The following HEPHL1 variants were observed in gnomAD, a reference collection of about 807,000 sequenced individuals.
HEPHL1 encodes ferroxidase HEPHL1.
A neutral mutation model predicts 122.0 loss-of-function variants in HEPHL1; 123 were observed. The observed-to-expected ratio is 1.01, with a 90% CI of 0.87 to 1.17. The LOEUF (loss-of-function observed/expected upper bound fraction) is 1.17. HEPHL1 is among the 50% of genes most tolerant of loss of function. The pLI is 0.00. For missense variants in HEPHL1, 1,452 were observed against 1,430.5 expected (o/e 1.01, Z -0.24); for synonymous variants, 527 against 508.9 (o/e 1.04, Z -0.48).
At chr11:94,047,918 C>T (rs554502914) in intron 2 of HEPHL1, among the ~76,000 whole-genome samples, 11 of 152,232 alleles carry the variant, frequency 7.2e-5, no homozygotes, top group South Asian at 2.1e-4. Flanking sequence ...GTGTTCAATT[C>T]GGTGGCATTA....
chr11:94,059,862 A>G (rs1467849970), intron 2 of HEPHL1, among the ~76,000 whole-genome samples: 3 of 151,968 alleles, frequency 2.0e-5, no homozygotes, highest in Admixed American at 6.6e-5. Context: ...TGAACATAAG[A>G]ATTTCTAGAA....
chr11:94,049,645 T>A (rs1945873531), intron 2 of HEPHL1, among the ~76,000 whole-genome samples: 1 of 148,882 alleles, frequency 6.7e-6, no homozygotes, highest in Non-Finnish European at 1.5e-5. Context: ...TCAATGACCA[T>A]AAGTATAAGG....
At chr11:94,069,384 G>A (rs1946057377) in intron 5 of HEPHL1, among the ~76,000 whole-genome samples, 1 of 152,242 alleles carries the variant, frequency 6.6e-6, no homozygotes, top group Admixed American at 6.5e-5. Flanking sequence ...GCCTTTCAAA[G>A]TGCTGGGATT....
chr11:94,069,606 A>G (rs944386510), intron 5 of HEPHL1, among the ~76,000 whole-genome samples: 2 of 152,148 alleles, frequency 1.3e-5, no homozygotes, highest in Non-Finnish European at 2.9e-5. Flanking sequence ...TCAGAAACAC[A>G]TTTTCATGTC....
At chr11:94,072,468 A>G (rs1294972370) in intron 6 of HEPHL1, among the ~76,000 whole-genome samples, 1 of 152,170 alleles carries the variant, frequency 6.6e-6, no homozygotes, top group South Asian at 2.1e-4. Context: ...CATTGATGGA[A>G]ATAAGATAGT....
chr11:94,026,919 G>T (rs1346152507), intron 1 of HEPHL1, among the ~76,000 whole-genome samples: 2 of 152,182 alleles, frequency 1.3e-5, no homozygotes, highest in South Asian at 2.1e-4. Flanking sequence ...TGCTTTGAGG[G>T]TGTATCAGTT....
In HEPHL1 at chr11:94,104,559, T is replaced by C; in HGVS notation, c.2714T>C (p.Ile905Thr). 6.2e-7 allele frequency: 1 copy of C among 1,613,782 alleles called. No individual in the cohort carries two copies. Among genetic ancestry groups the C allele is most frequent in the Non-Finnish European group, 8.5e-7 (1 of 1,179,710 alleles). The change falls in exon 16 of 20, where the codon ATT (isoleucine) becomes ACT (threonine). Residue 905 changes from isoleucine to threonine, a missense_variant. By Grantham distance (89) the Ile-to-Thr change is moderately conservative. Coordinates refer to ENST00000315765, the MANE Select transcript of HEPHL1 (RefSeq NM_001098672.2). ...TATAGTGGTTTGATGGGTCCTCTGA[T>C]TACATGCCGAAAAGGAGTCTTGAAT... ...DTYSGLMGPLITCRKGVLNEK... is the reference protein window; with the variant it reads ...DTYSGLMGPLTTCRKGVLNEK...
chr11:94,023,424 G>C (rs1307740123), intron 1 of HEPHL1, among the ~76,000 whole-genome samples: 1 of 152,174 alleles, frequency 6.6e-6, no homozygotes, highest in Non-Finnish European at 1.5e-5. Flanking sequence ...AAACCTCAAA[G>C]AATCATAAAT....
At chr11:94,074,547 C>T (rs1946104511) in intron 8 of HEPHL1, among the ~76,000 whole-genome samples, 1 of 152,090 alleles carries the variant, frequency 6.6e-6, no homozygotes, top group Non-Finnish European at 1.5e-5. Context: ...TTGCAGAGCA[C>T]TGGATAAAAT....
intron 1 of HEPHL1, among the ~76,000 whole-genome samples, chr11:94,026,207 AAGAG>A (rs1044472046): frequency 2.0e-5 from 3 of 152,180 alleles, no homozygotes; most frequent in African/African-American, 7.2e-5. Flanking sequence ...TCCAGGAAGA[AAGAG>A]AGAAAGGCAA....
At chr11:94,089,549 G>A (rs1382773466) in intron 12 of HEPHL1, among the ~76,000 whole-genome samples, 2 of 152,186 alleles carry the variant, frequency 1.3e-5, no homozygotes, top group Non-Finnish European at 2.9e-5. Context: ...AGTGATGCAT[G>A]CCCAAGACTC....
chr11:94,073,607 T>A (rs796296382), intron 8 of HEPHL1, among the ~76,000 whole-genome samples, 168 bp downstream of exon 8: 1 of 152,138 alleles, frequency 6.6e-6, no homozygotes, highest in East Asian at 1.9e-4. Context: ...CAGATAACAA[T>A]ACTCACCTCA....
intron 5 of HEPHL1, among the ~76,000 whole-genome samples, chr11:94,068,514 A>G (rs978292789): frequency 4.6e-5 from 7 of 152,284 alleles, no homozygotes; most frequent in Admixed American, 1.3e-4. Flanking sequence ...TTCAGACATC[A>G]TACACTATGT....
chr11:94,092,649 T>C (rs1312287861), intron 12 of HEPHL1, among the ~76,000 whole-genome samples: 1 of 152,166 alleles, frequency 6.6e-6, no homozygotes, highest in Non-Finnish European at 1.5e-5. Context: ...TGATGTGCCT[T>C]ATACATGTGA....
At chr11:94,111,178 T>C in intron 18 of HEPHL1, 113 bp downstream of exon 18, 1 of 796,880 alleles carries the variant, frequency 1.3e-6, no homozygotes, top group Non-Finnish European at 2.0e-6. Flanking sequence ...CAGAGTCAAG[T>C]AAGAGAGACA....
At chr11:94,092,464 C>T (rs116747935) in intron 12 of HEPHL1, among the ~76,000 whole-genome samples, 2,278 of 152,312 alleles carry the variant, frequency 0.015, 59 homozygotes, top group African/African-American at 0.053. Context: ...TGAGGTCAAA[C>T]AAGGAGTCTC....
At chr11:94,106,273 C>G (rs2134454260) in intron 17 of HEPHL1, 143 bp downstream of exon 17, 1 of 552,388 alleles carries the variant, frequency 1.8e-6, no homozygotes, top group Non-Finnish European at 2.9e-6. Flanking sequence ...TGTACCGTTT[C>G]CCTGGTGGAT....
intron 13 of HEPHL1, among the ~76,000 whole-genome samples, chr11:94,094,781 G>A (rs1196032181): frequency 6.6e-6 from 1 of 152,174 alleles, no homozygotes; most frequent in African/African-American, 2.4e-5. Flanking sequence ...GTGTCTGTTG[G>A]CTGCATAAAT....
chr11:94,055,172 T>G (rs540469464), intron 2 of HEPHL1: 9 of 224,788 alleles, frequency 4.0e-5, no homozygotes, highest in African/African-American at 1.8e-4. Context: ...GAATTGGCAC[T>G]CAGCTCAGCT....
Sources: allele counts gnomAD v4.1 joint callset (sites outside exome capture counted in the v4.1 genomes callset), GRCh38; gene constraint gnomAD v4.1.1; transcripts MANE v1.5; gene names NCBI Gene and HGNC (gene_info 2026-07-23, HGNC 2026-07-21).